Variants in DSCAM observed in about 807,000 individuals in gnomAD.
DSCAM encodes the protein cell adhesion molecule DSCAM.
Under a neutral mutation model 217.7 loss-of-function variants are expected in DSCAM, and 47 were observed. That is an observed-to-expected ratio of 0.22 (90% CI 0.17 to 0.28). DSCAM has a LOEUF of 0.28. DSCAM is among the 10% of genes least tolerant of loss of function. The pLI, the probability that DSCAM is intolerant of heterozygous loss-of-function variation, is 1.00. For missense variants in DSCAM, 2,080 were observed against 2,618.3 expected (o/e 0.79, Z 4.49); for synonymous variants, 1,056 against 1,015.3 (o/e 1.04, Z -0.76).
chr21:40,206,329 G>A (rs2031426255), intron 11 of DSCAM, among the ~76,000 whole-genome samples: 2 of 152,130 alleles, frequency 1.3e-5, no homozygotes, highest in Non-Finnish European at 2.9e-5. Flanking sequence ...GGGTCAAGGA[G>A]GCAGCTCTGG....
rs568312031 is a variant in DSCAM, at chr21:40,645,467, G to A, written c.508+47343C>T. On this transcript the variant is annotated intron_variant, in intron 3 of 32. Coordinates refer to ENST00000400454, the MANE Select transcript of DSCAM (RefSeq NM_001389.5). ...GAATTAGGGTAAAATAGTGAAAATT[G>A]GAACTGATCCATATTTGTGGAATCA... 2.0e-5 allele frequency among the ~76,000 whole-genome samples: 3 copies of A among 152,152 alleles called. 1 individual carries two copies. The highest frequency in any genetic ancestry group is 2.0e-4 in the Admixed American group (3 of 15,294).
At chr21:40,562,270 T>C (rs2076726388) in intron 3 of DSCAM, among the ~76,000 whole-genome samples, 1 of 152,178 alleles carries the variant, frequency 6.6e-6, no homozygotes, top group Non-Finnish European at 1.5e-5. Context: ...CGAGATCTGA[T>C]GGTTTTATAA....
intron 3 of DSCAM, among the ~76,000 whole-genome samples, chr21:40,633,306 C>T (rs141672308): frequency 1.3e-5 from 2 of 152,206 alleles, no homozygotes; most frequent in Non-Finnish European, 1.5e-5. Flanking sequence ...AATCAAATGG[C>T]GGTGGTCCTG....
chr21:40,496,178 A>G (rs572594466), intron 3 of DSCAM, among the ~76,000 whole-genome samples: 9 of 152,320 alleles, frequency 5.9e-5, no homozygotes, highest in Non-Finnish European at 1.3e-4. Context: ...TTAGCATAAA[A>G]TGTATATGAA....
At chr21:40,127,678 T>G (rs539944787) in intron 19 of DSCAM, among the ~76,000 whole-genome samples, 3 of 152,318 alleles carry the variant, frequency 2.0e-5, no homozygotes, top group East Asian at 3.9e-4. Context: ...ACTCACCATC[T>G]TCTATCCAAA....
chr21:40,757,215 CG>C lies in DSCAM; in HGVS notation c.44-48445del, dbSNP rs1003904110. ...ATTTTTTTTGTATTTTTAGTAGAGA[CG>C]GGGTTTCACCATGTTAGCCAAGATG... On this transcript the variant is annotated intron_variant, in intron 1 of 32. Transcript: ENST00000400454. 3.6e-4 allele frequency among the ~76,000 whole-genome samples: 55 copies of C among 151,818 alleles called. 1 individual carries two copies. Among genetic ancestry groups the C allele is most frequent in the Admixed American group, 3.3e-3 (51 of 15,242 alleles).
At chr21:40,136,950 G>A (rs1463039934) in intron 18 of DSCAM, among the ~76,000 whole-genome samples, 1 of 152,036 alleles carries the variant, frequency 6.6e-6, no homozygotes, top group Non-Finnish European at 1.5e-5. Context: ...CAAGGCGGGT[G>A]GATCACGAGG....
intron 10 of DSCAM, among the ~76,000 whole-genome samples, chr21:40,278,032 G>A (rs1472246466): frequency 6.6e-6 from 1 of 152,038 alleles, no homozygotes; most frequent in Non-Finnish European, 1.5e-5. Flanking sequence ...GTTTAGCAAA[G>A]TCATGGGATA....
intron 26 of DSCAM, 141 bp downstream of exon 26, chr21:40,078,546 C>T (rs1169449239): frequency 2.8e-6 from 3 of 1,062,646 alleles, no homozygotes; most frequent in Admixed American, 2.8e-5. Context: ...CAGACAGAGT[C>T]CATTGAATCC....
Position 40,083,962 on chromosome 21 carries a change from A to C in DSCAM, c.4177T>G (p.Ser1393Ala), listed in dbSNP as rs372883432. Reference sequence around the variant, plus strand: ...GGGAGCCAAGAAAGGGTGATGGAGGAAGACGTGGTCTTGGAGACTGTAAGC... The same window carrying C: ...GGGAGCCAAGAAAGGGTGATGGAGGCAGACGTGGTCTTGGAGACTGTAAGC... The part of the protein sequence containing the change: ...PRLTVSKTTS[S>A]SITLSWLPGD... Residue 1393 changes from serine (S) to alanine (A), a missense_variant, in exon 24 of 33, where the codon TCC becomes GCC. By Grantham distance (99) the Ser-to-Ala change is moderately conservative (BLOSUM62 1). This residue lies in a region of DSCAM where 1,144 missense variants were observed against 1,421.1 expected (regional missense o/e 0.81). Coordinates refer to ENST00000400454, the MANE Select transcript of DSCAM (RefSeq NM_001389.5). The C allele has an allele frequency of 4.3e-6, 7 of 1,613,756 alleles. No homozygotes were observed. The African/African-American group carries it at 9.3e-5, about 22-fold the overall frequency.
At chr21:40,718,419 A>G (rs993109771) in intron 1 of DSCAM, among the ~76,000 whole-genome samples, 8 of 152,238 alleles carry the variant, frequency 5.3e-5, no homozygotes, top group African/African-American at 1.9e-4. Flanking sequence ...TTGGACTTAC[A>G]GTTCCACATG....
chr21:40,254,909 T>A (rs1359850270), intron 11 of DSCAM, among the ~76,000 whole-genome samples: 1 of 152,016 alleles, frequency 6.6e-6, no homozygotes, highest in Non-Finnish European at 1.5e-5. Flanking sequence ...AGTGCCTTCA[T>A]TATATTTGGT....
chr21:40,358,381 A>G (rs1021101785), intron 4 of DSCAM, among the ~76,000 whole-genome samples: 1 of 152,260 alleles, frequency 6.6e-6, no homozygotes, highest in East Asian at 1.9e-4. Flanking sequence ...TGGCCTAAAT[A>G]TAACAGCTAA....
At chr21:40,530,888 TCCATCCATCCATCCATCCATCCATCCA>T (rs1568882105) in intron 3 of DSCAM, among the ~76,000 whole-genome samples, 2 of 82,824 alleles carry the variant, frequency 2.4e-5, no homozygotes, top group African/African-American at 2.0e-4. Context: ...TGTCCATCCA[TCCATCCATCCATCCATCCATCCATCCA>T]TTCAACCATC....
At chr21:40,663,407 G>A (rs577657865) in intron 3 of DSCAM, among the ~76,000 whole-genome samples, 1 of 152,182 alleles carries the variant, frequency 6.6e-6, no homozygotes, top group East Asian at 1.9e-4. Flanking sequence ...CGCACACAAC[G>A]TGGAATTGCC....
At chr21:40,340,205 A>C (rs1202991341) in intron 6 of DSCAM, among the ~76,000 whole-genome samples, 1 of 152,192 alleles carries the variant, frequency 6.6e-6, no homozygotes, top group African/African-American at 2.4e-5. Flanking sequence ...AGGCTGAAAC[A>C]GAAAGGACTA....
chr21:40,344,238 T>C (rs1333737901), intron 6 of DSCAM, among the ~76,000 whole-genome samples: 1 of 152,206 alleles, frequency 6.6e-6, no homozygotes, highest in East Asian at 1.9e-4. Context: ...ATCAATTGTT[T>C]AAAGAAATTA....
At chr21:40,028,423 C>T (rs2088434526) in intron 32 of DSCAM, among the ~76,000 whole-genome samples, 2 of 150,770 alleles carry the variant, frequency 1.3e-5, no homozygotes, top group Admixed American at 6.6e-5. Context: ...CAAGCCTGGG[C>T]AATGGCGGGC....
chr21:40,195,279 CA>C (rs1305307515), intron 11 of DSCAM, among the ~76,000 whole-genome samples: 4 of 152,072 alleles, frequency 2.6e-5, no homozygotes, highest in Admixed American at 2.6e-4. Flanking sequence ...ATCAATAATG[CA>C]AAATTAATCC....
Sources: allele counts gnomAD v4.1 joint callset (sites outside exome capture counted in the v4.1 genomes callset), GRCh38; gene constraint gnomAD v4.1.1; regional missense constraint gnomAD v4.1.1; transcripts MANE v1.5; gene names NCBI Gene and HGNC (gene_info 2026-07-23, HGNC 2026-07-21).